PHACTR1: variants seen among roughly 807,000 people sequenced by gnomAD.
The protein encoded by PHACTR1 is RPEL repeat containing 1.
PHACTR1 carries 16 observed loss-of-function variants against 69.2 expected under a neutral mutation model. The observed-to-expected ratio is 0.23, with a 90% CI of 0.16 to 0.35. The LOEUF (loss-of-function observed/expected upper bound fraction) is 0.35, where lower values mean the gene tolerates loss of function less well. PHACTR1 is among the 10% of genes least tolerant of loss of function. The probability of loss-of-function intolerance (pLI) is 1.00; values close to 1 mark genes in which losing one functional copy is unlikely to be tolerated. For missense variants in PHACTR1, 510 were observed against 734.7 expected (o/e 0.69, Z 3.54); for synonymous variants, 312 against 284.5 (o/e 1.10, Z -0.97).
chr6:12,884,626 C>T (rs1372792942), intron 4 of PHACTR1, among the ~76,000 whole-genome samples: 1 of 152,182 alleles, frequency 6.6e-6, no homozygotes, highest in East Asian at 1.9e-4. Flanking sequence ...TGGTCTCGAT[C>T]TCCTGACCTC....
intron 10 of PHACTR1, among the ~76,000 whole-genome samples, chr6:13,236,567 C>CACATCA (rs1772020441): frequency 6.6e-6 from 1 of 152,108 alleles, no homozygotes; most frequent in Non-Finnish European, 1.5e-5. Context: ...GTGGATGCAT[C>CACATCA]ACATCAATCT....
chr6:13,083,010 G>A (rs1811658957), intron 5 of PHACTR1, among the ~76,000 whole-genome samples: 1 of 152,168 alleles, frequency 6.6e-6, no homozygotes, highest in Non-Finnish European at 1.5e-5. Context: ...TAGACATGAA[G>A]TCCTTGCCCA....
intron 4 of PHACTR1, among the ~76,000 whole-genome samples, chr6:12,809,465 C>G (rs1774779925): frequency 6.6e-6 from 1 of 152,182 alleles, no homozygotes; most frequent in South Asian, 2.1e-4. Flanking sequence ...TTGGCAGCCA[C>G]TATCCATTTA....
chr6:13,247,786 C>T (rs1327313937), intron 10 of PHACTR1, among the ~76,000 whole-genome samples: 3 of 152,070 alleles, frequency 2.0e-5, no homozygotes, highest in Admixed American at 6.6e-5. Context: ...GTCAGGACTT[C>T]GAGGTTGTAG....
chr6:13,044,784 A>G (rs1437033639), intron 4 of PHACTR1, among the ~76,000 whole-genome samples: 1 of 152,186 alleles, frequency 6.6e-6, no homozygotes, highest in East Asian at 1.9e-4. Flanking sequence ...AGTGAAGCAT[A>G]TCTGAGCCTA....
intron 5 of PHACTR1, among the ~76,000 whole-genome samples, chr6:13,103,797 A>G (rs1815584552): frequency 6.6e-6 from 1 of 152,216 alleles, no homozygotes; most frequent in Non-Finnish European, 1.5e-5. Context: ...AATGTCACCT[A>G]TATTGGCAGG....
At chr6:13,102,603 A>C (rs557836862) in intron 5 of PHACTR1, among the ~76,000 whole-genome samples, 6 of 152,232 alleles carry the variant, frequency 3.9e-5, no homozygotes, top group Non-Finnish European at 8.8e-5. Context: ...TGGTAACATT[A>C]CAGAGCAACC....
At chr6:13,028,048 C>A (rs992004551) in intron 4 of PHACTR1, among the ~76,000 whole-genome samples, 2 of 152,130 alleles carry the variant, frequency 1.3e-5, no homozygotes, top group African/African-American at 4.8e-5. Flanking sequence ...TCTCAGAGCC[C>A]CTGGTGTGAA....
chr6:13,180,336 G>A (rs1246124248), intron 6 of PHACTR1, among the ~76,000 whole-genome samples: 2 of 152,140 alleles, frequency 1.3e-5, no homozygotes, highest in African/African-American at 4.8e-5. Flanking sequence ...TTGGGCCTTT[G>A]TGATTTAGCC....
intron 7 of PHACTR1, among the ~76,000 whole-genome samples, 198 bp from the exon 8 acceptor site, chr6:13,205,617 A>G (rs1299630451): frequency 6.6e-6 from 1 of 152,210 alleles, no homozygotes; most frequent in Non-Finnish European, 1.5e-5. Context: ...TGGCCAGTGC[A>G]AGTGCACTTG....
chr6:12,821,480 AAAAAGAGAGAG>A (rs1408245294), intron 4 of PHACTR1, among the ~76,000 whole-genome samples: 1 of 83,646 alleles, frequency 1.2e-5, no homozygotes, highest in East Asian at 3.6e-4. Context: ...AAAAAAAAAA[AAAAAGAGAGAG>A]AGAGAGAGAG....
Position 13,225,516 on chromosome 6 carries a change from T to C in PHACTR1, c.987-2300T>C, listed in dbSNP as rs77582899. ...AGGTCTCTCGCTGCCCATGTATCTT[T>C]GAAAGAGAGGAAACCACAGCCTCTT... On this transcript the variant is annotated intron_variant, in intron 8 of 14. Coordinates refer to ENST00000332995, the MANE Select transcript of PHACTR1 (RefSeq NM_030948.6). 5.3e-3 allele frequency among the ~76,000 whole-genome samples: 813 copies of C among 152,336 alleles called. 13 individuals are homozygous for C. Among genetic ancestry groups the C allele is most frequent in the African/African-American group, 0.019 (778 of 41,564 alleles).
intron 4 of PHACTR1, among the ~76,000 whole-genome samples, chr6:13,017,228 ACACTTTC>A (rs1375669492): frequency 6.6e-6 from 1 of 151,048 alleles, no homozygotes; most frequent in Non-Finnish European, 1.5e-5. Context: ...AACAACCAAG[ACACTTTC>A]CACTGTACCT....
chr6:12,782,014 G>A (rs2127644956), intron 4 of PHACTR1, among the ~76,000 whole-genome samples: 1 of 152,280 alleles, frequency 6.6e-6, no homozygotes, highest in African/African-American at 2.4e-5. Flanking sequence ...GAATTGTGCT[G>A]TCTCCTGCCT....
intron 5 of PHACTR1, among the ~76,000 whole-genome samples, chr6:13,089,366 GC>G (rs930928562): frequency 6.6e-6 from 1 of 152,126 alleles, no homozygotes; most frequent in African/African-American, 2.4e-5. Flanking sequence ...CACTCCATTG[GC>G]CCAGACATCT....
intron 4 of PHACTR1, among the ~76,000 whole-genome samples, chr6:13,005,574 T>G (rs1582925954): frequency 6.6e-6 from 1 of 152,176 alleles, no homozygotes; most frequent in East Asian, 1.9e-4. Context: ...ATAAATATCC[T>G]TTCTCTTCAG....
At chr6:12,958,362 G>C (rs900919829) in intron 4 of PHACTR1, among the ~76,000 whole-genome samples, 2 of 152,234 alleles carry the variant, frequency 1.3e-5, no homozygotes, top group African/African-American at 4.8e-5. Context: ...GGAACCTCAG[G>C]AAGTTTCTGA....
At chr6:12,738,012 G>A (rs1764527283) in intron 3 of PHACTR1, among the ~76,000 whole-genome samples, 1 of 152,074 alleles carries the variant, frequency 6.6e-6, no homozygotes, top group Non-Finnish European at 1.5e-5. Context: ...ACCCAAAAAT[G>A]TCCTTTAAAG....
intron 5 of PHACTR1, among the ~76,000 whole-genome samples, chr6:13,087,791 G>A (rs1812555415): frequency 6.6e-6 from 1 of 151,774 alleles, no homozygotes; most frequent in Admixed American, 6.6e-5. Flanking sequence ...GACTATAGGT[G>A]CATGCCACCA....
Sources: allele counts gnomAD v4.1 joint callset (sites outside exome capture counted in the v4.1 genomes callset), GRCh38; gene constraint gnomAD v4.1.1; transcripts MANE v1.5; gene names NCBI Gene and HGNC (gene_info 2026-07-23, HGNC 2026-07-21).